DOCK2: variants seen among roughly 807,000 people sequenced by gnomAD.
The protein encoded by DOCK2 is dedicator of cytokinesis protein 2.
Under a neutral mutation model 248.9 loss-of-function variants are expected in DOCK2, and 87 were observed. The observed-to-expected ratio is 0.35, with a 90% CI of 0.29 to 0.42. The LOEUF is 0.42. DOCK2 is among the 10% of genes least tolerant of loss of function. The pLI is 1.00. For synonymous variants in DOCK2, 805 were observed against 821.6 expected, an observed-to-expected ratio of 0.98 and a Z score of 0.35; for missense variants, 1,747 against 2,300.2, an observed-to-expected ratio of 0.76 and a Z score of 4.92.
At chr5:169,972,392 C>T (rs1249354096) in intron 27 of DOCK2, among the ~76,000 whole-genome samples, 1 of 152,102 alleles carries the variant, frequency 6.6e-6, no homozygotes, top group African/African-American at 2.4e-5. Context: ...TGGGGGCTAT[C>T]CTATGTATTG....
At chr5:169,728,720 T>C (rs1355508531) in intron 22 of DOCK2, among the ~76,000 whole-genome samples, 2 of 152,200 alleles carry the variant, frequency 1.3e-5, no homozygotes, top group Non-Finnish European at 2.9e-5. Flanking sequence ...TTTCCTCTTA[T>C]CTGTTTGTGA....
At chr5:169,713,951 A>G (rs1441197054) in intron 17 of DOCK2, 77 bp from the exon 18 acceptor site, 1 of 1,459,904 alleles carries the variant, frequency 6.8e-7, no homozygotes, top group Non-Finnish European at 9.1e-7. Context: ...CACAGTGTCT[A>G]ATTTGTCTGC....
intron 26 of DOCK2, among the ~76,000 whole-genome samples, chr5:169,825,989 A>G (rs954775427): frequency 6.6e-6 from 1 of 151,870 alleles, no homozygotes; most frequent in African/African-American, 2.4e-5. Context: ...TTGAGAAGAG[A>G]TGACGTAGCA....
At chr5:169,950,297 C>A (rs1467427937) in intron 27 of DOCK2, among the ~76,000 whole-genome samples, 2 of 152,220 alleles carry the variant, frequency 1.3e-5, no homozygotes, top group Non-Finnish European at 2.9e-5. Flanking sequence ...AACAAGCAGA[C>A]CTTCCTCATA....
chr5:170,025,059 CT>C (rs1755855710), intron 33 of DOCK2, among the ~76,000 whole-genome samples: 2 of 152,238 alleles, frequency 1.3e-5, no homozygotes, highest in Admixed American at 1.3e-4. Context: ...CCCTGCGCTG[CT>C]TTCTAGTAAC....
chr5:169,914,111 C>G (rs1049688485), intron 27 of DOCK2, among the ~76,000 whole-genome samples: 1 of 152,164 alleles, frequency 6.6e-6, no homozygotes, highest in African/African-American at 2.4e-5. Flanking sequence ...CTCAGAACGC[C>G]TTTTGTATAG....
chr5:169,701,250 A>G (rs1760952465), intron 13 of DOCK2, among the ~76,000 whole-genome samples: 1 of 152,232 alleles, frequency 6.6e-6, no homozygotes, highest in Non-Finnish European at 1.5e-5. Context: ...ATTGCAATAG[A>G]GCCAAGTGAG....
chr5:169,642,959 T>C (rs1353563428), intron 1 of DOCK2, among the ~76,000 whole-genome samples: 1 of 152,058 alleles, frequency 6.6e-6, no homozygotes, highest in Non-Finnish European at 1.5e-5. Context: ...TTTTTTTCAA[T>C]AGTCAATTAC....
chr5:169,963,544 T>G (rs1777176047), intron 27 of DOCK2, among the ~76,000 whole-genome samples: 1 of 152,126 alleles, frequency 6.6e-6, no homozygotes, highest in South Asian at 2.1e-4. Flanking sequence ...TTTGCTGGTT[T>G]GGTAGTGCTG....
chr5:169,652,701 C>T (rs771238657), intron 1 of DOCK2, among the ~76,000 whole-genome samples: 29 of 151,726 alleles, frequency 1.9e-4, no homozygotes, highest in South Asian at 2.1e-4. Flanking sequence ...TTTAGGCAGA[C>T]GTGTTGGGGT....
chr5:170,020,187 G>A (rs1043228485), intron 33 of DOCK2, among the ~76,000 whole-genome samples: 7 of 152,098 alleles, frequency 4.6e-5, no homozygotes, highest in South Asian at 4.2e-4. Flanking sequence ...CACCATCCCC[G>A]CAGCCCACCT....
At position 169,809,805 on chromosome 5, in the gene DOCK2, G is replaced by A. The variant is rs369570936; in HGVS notation, c.2703+6599G>A. On this transcript the variant is annotated intron_variant, in intron 26 of 51. Coordinates refer to ENST00000520908, the MANE Select transcript of DOCK2 (RefSeq NM_004946.3). ...GCAGCACCCTCTCACTTCTCACTGCGGCGGAGTGCCGTTCACACTGCCTGA... is the reference window on the plus strand; with the variant it reads ...GCAGCACCCTCTCACTTCTCACTGCAGCGGAGTGCCGTTCACACTGCCTGA... Among the ~76,000 whole-genome samples the A allele has an allele frequency of 7.2e-5, 11 of 152,308 alleles. No homozygotes were observed. The East Asian group carries it at 9.7e-4, about 13-fold the overall frequency.
intron 8 of DOCK2, 57 bp downstream of exon 8, chr5:169,684,407 ATCTTT>A: frequency 1.9e-5 from 30 of 1,565,958 alleles, no homozygotes; most frequent in Non-Finnish European, 2.4e-5. Context: ...TGCACAGAGC[ATCTTT>A]TCTTTCCATC....
At chr5:169,703,195 T>G (rs1163827799) in intron 14 of DOCK2, among the ~76,000 whole-genome samples, 1 of 152,112 alleles carries the variant, frequency 6.6e-6, no homozygotes, top group Non-Finnish European at 1.5e-5. Context: ...CTTAGGCCAC[T>G]GTGAGTGATC....
chr5:169,648,284 C>A (rs554043815), intron 1 of DOCK2, among the ~76,000 whole-genome samples: 1 of 152,050 alleles, frequency 6.6e-6, no homozygotes, highest in Non-Finnish European at 1.5e-5. Flanking sequence ...CTGACACCCC[C>A]GACTCCCCTC....
At position 169,669,348 on chromosome 5, in the gene DOCK2, A is replaced by T; in HGVS notation, c.168+20A>T. ...TTACAGGTAAGGTCACCTGGTTTTTATTTGTGTCAGTACTGGAGGTCTTCA... is the reference window on the plus strand; with the variant it reads ...TTACAGGTAAGGTCACCTGGTTTTTTTTTGTGTCAGTACTGGAGGTCTTCA... On this transcript the variant is annotated intron_variant, in intron 3 of 51. Coordinates refer to ENST00000520908, the MANE Select transcript of DOCK2 (RefSeq NM_004946.3). 1 of 1,613,992 alleles carries T rather than the reference A, an allele frequency of 6.2e-7. No homozygotes were observed. The highest frequency in any genetic ancestry group is 8.5e-7 in the Non-Finnish European group (1 of 1,179,922).
At chr5:169,978,321 A>C (rs942214209) in intron 27 of DOCK2, among the ~76,000 whole-genome samples, 48 of 130,968 alleles carry the variant, frequency 3.7e-4, no homozygotes, top group African/African-American at 1.4e-3. Context: ...GGCAAGGCAA[A>C]CTGGTAGCCT....
chr5:169,673,169 T>C (rs1410345797), intron 5 of DOCK2, among the ~76,000 whole-genome samples: 1 of 151,740 alleles, frequency 6.6e-6, no homozygotes, highest in Non-Finnish European at 1.5e-5. Context: ...AACCCTCTAA[T>C]CATGTGATTG....
intron 2 of DOCK2, among the ~76,000 whole-genome samples, chr5:169,659,389 G>C (rs913056194): frequency 1.5e-4 from 23 of 152,112 alleles, no homozygotes; most frequent in African/African-American, 5.3e-4. Context: ...GCTCATAGAA[G>C]GTTCTCTGTG....
Sources: allele counts gnomAD v4.1 joint callset (sites outside exome capture counted in the v4.1 genomes callset), GRCh38; gene constraint gnomAD v4.1.1; transcripts MANE v1.5; gene names NCBI Gene and HGNC (gene_info 2026-07-23, HGNC 2026-07-21).